The following CTNNA3 variants were observed in gnomAD, a reference collection of about 807,000 sequenced individuals.
CTNNA3 encodes catenin alpha 3.
CTNNA3 carries 76 observed loss-of-function variants against 95.7 expected under a neutral mutation model. The observed-to-expected ratio is 0.79, with a 90% confidence interval of 0.66 to 0.96. The LOEUF (loss-of-function observed/expected upper bound fraction) is 0.96. Among genes scored for constraint, CTNNA3 ranks in the 40% least tolerant of loss-of-function variants. The pLI is 0.00. For missense variants in CTNNA3, 1,191 were observed against 1,089.8 expected (o/e 1.09, Z -1.31); for synonymous variants, 431 against 374.4 (o/e 1.15, Z -1.74).
intron 7 of CTNNA3, among the ~76,000 whole-genome samples, chr10:67,152,489 C>A (rs1222235682): frequency 6.6e-6 from 1 of 152,062 alleles, no homozygotes; most frequent in East Asian, 1.9e-4. Context: ...GGATTTATTT[C>A]ATAATGCAAT....
chr10:67,544,212 T>C (rs562609123), intron 3 of CTNNA3, among the ~76,000 whole-genome samples: 1 of 152,218 alleles, frequency 6.6e-6, no homozygotes, highest in East Asian at 1.9e-4. Flanking sequence ...AAAGTTATAA[T>C]TTGCTTCCAG....
At chr10:67,441,860 G>C (rs1286893895) in intron 5 of CTNNA3, among the ~76,000 whole-genome samples, 2 of 152,048 alleles carry the variant, frequency 1.3e-5, no homozygotes, top group African/African-American at 4.8e-5. Context: ...TCATCTGAAG[G>C]TACAAAACTC....
chr10:67,261,255 C>G (rs1264229391), intron 5 of CTNNA3, among the ~76,000 whole-genome samples: 1 of 152,090 alleles, frequency 6.6e-6, no homozygotes, highest in Non-Finnish European at 1.5e-5. Flanking sequence ...CAAAAGGTAT[C>G]CTGAATCTTC....
intron 5 of CTNNA3, among the ~76,000 whole-genome samples, chr10:67,340,479 T>TA (rs1440566462): frequency 5.9e-5 from 9 of 152,224 alleles, no homozygotes; most frequent in Non-Finnish European, 1.0e-4. Flanking sequence ...CTCAGCATGC[T>TA]AATATATCAG....
At chr10:67,180,601 A>G (rs1413688468) in intron 6 of CTNNA3, 81 bp from the exon 7 acceptor site, 1 of 1,192,622 alleles carries the variant, frequency 8.4e-7, no homozygotes. Context: ...TTGTTTTTGC[A>G]TTTAGAATTC....
rs1847163205 is a variant in CTNNA3 at position 66,927,932 on chromosome 10, T to G, written c.1048-152408A>C. 1 of 1,614,118 alleles carries G rather than the reference T, an allele frequency of 6.2e-7. No homozygotes were observed. Among genetic ancestry groups the G allele is most frequent in the Non-Finnish European group, 8.5e-7 (1 of 1,180,054 alleles). On this transcript the variant is annotated intron_variant, in intron 7 of 17. Coordinates refer to ENST00000433211, the MANE Select transcript of CTNNA3 (RefSeq NM_013266.4). The surrounding 1 kb of genome is among the most constrained non-coding windows in gnomAD (Gnocchi z 4.7). ...AAAGGTCTAAGGGAGAATACAATTA[T>G]CTGTGCCAGTCCCAAAGAGCTGCAA... is the stretch of plus-strand genomic sequence containing the variant.
At chr10:66,078,789 T>A (rs2080631289) in intron 14 of CTNNA3, among the ~76,000 whole-genome samples, 1 of 151,898 alleles carries the variant, frequency 6.6e-6, no homozygotes, top group Admixed American at 6.6e-5. Flanking sequence ...AAACTGACAA[T>A]ATAGAAATCC....
At chr10:66,178,417 A>G (rs1445069761) in intron 13 of CTNNA3, among the ~76,000 whole-genome samples, 1,233 of 56,830 alleles carry the variant, frequency 0.022, 14 homozygotes, top group African/African-American at 0.062. Flanking sequence ...ATATATATAT[A>G]TATATATATA....
At chr10:67,244,861 C>G (rs1865851489) in intron 5 of CTNNA3, among the ~76,000 whole-genome samples, 1 of 152,128 alleles carries the variant, frequency 6.6e-6, no homozygotes, top group Non-Finnish European at 1.5e-5. Flanking sequence ...CCCCTCAGCC[C>G]ACTATTCTTA....
At chr10:66,531,387 C>A (rs909564863) in intron 10 of CTNNA3, among the ~76,000 whole-genome samples, 5 of 151,332 alleles carry the variant, frequency 3.3e-5, no homozygotes, top group Middle Eastern at 3.4e-3. Flanking sequence ...ATGGTTTGTT[C>A]GTTTGTTTGT....
intron 13 of CTNNA3, among the ~76,000 whole-genome samples, chr10:66,244,788 CTG>C (rs2090244066): frequency 6.6e-6 from 1 of 152,192 alleles, no homozygotes; most frequent in African/African-American, 2.4e-5. Context: ...ACAAGGCAGA[CTG>C]TGAAGACTAA....
chr10:66,027,042 G>A (rs2079354139), intron 15 of CTNNA3, among the ~76,000 whole-genome samples: 1 of 151,914 alleles, frequency 6.6e-6, no homozygotes, highest in Admixed American at 6.6e-5. Flanking sequence ...AAAGTCTAGG[G>A]ATTTAAAAAA....
chr10:66,145,054 C>T (rs895259441), intron 13 of CTNNA3, among the ~76,000 whole-genome samples: 1 of 152,084 alleles, frequency 6.6e-6, no homozygotes, highest in East Asian at 1.9e-4. Flanking sequence ...CTCTCCCTTG[C>T]TTTCTTTAAT....
chr10:67,405,134 T>C (rs1426220544), intron 5 of CTNNA3, among the ~76,000 whole-genome samples: 1 of 152,124 alleles, frequency 6.6e-6, no homozygotes, highest in Non-Finnish European at 1.5e-5. Flanking sequence ...AGTGACATTA[T>C]AAAGCAACTA....
chr10:65,951,889 G>A (rs775020519), intron 17 of CTNNA3, among the ~76,000 whole-genome samples: 36 of 152,062 alleles, frequency 2.4e-4, no homozygotes, highest in Admixed American at 2.2e-3. Context: ...AATTAGCCGG[G>A]CGTGATGGCG....
chr10:67,394,466 T>C (rs1275698054), intron 5 of CTNNA3, among the ~76,000 whole-genome samples: 2 of 152,042 alleles, frequency 1.3e-5, no homozygotes, highest in African/African-American at 2.4e-5. Context: ...CCCTTAAGAA[T>C]CTTAGCACTA....
chr10:67,618,368 C>G (rs1460821453), intron 2 of CTNNA3, among the ~76,000 whole-genome samples: 3 of 152,184 alleles, frequency 2.0e-5, no homozygotes, highest in Non-Finnish European at 4.4e-5. Context: ...GTTATGACTC[C>G]TACTTACGTA....
intron 7 of CTNNA3, among the ~76,000 whole-genome samples, chr10:66,965,757 C>T (rs1047450871): frequency 2.0e-5 from 3 of 151,986 alleles, no homozygotes; most frequent in African/African-American, 7.2e-5. Flanking sequence ...CAGTCAAAGG[C>T]CGCATATGTT....
chr10:66,519,565 T>C (rs2132017717), intron 11 of CTNNA3, among the ~76,000 whole-genome samples: 1 of 152,298 alleles, frequency 6.6e-6, no homozygotes, highest in South Asian at 2.1e-4. Flanking sequence ...GCATATCTGA[T>C]TGCCTCCTTT....
Sources: gnomAD v4.1 joint callset for allele counts (sites outside exome capture counted in the v4.1 genomes callset) on GRCh38, gnomAD v4.1.1 for gene constraint, Gnocchi (gnomAD v3.1) non-coding constraint, MANE v1.5 for transcripts, NCBI Gene and HGNC (gene_info 2026-07-23, HGNC 2026-07-21) for gene names.